Variants in LZTFL1 observed in about 807,000 individuals in gnomAD.
LZTFL1 encodes the protein leucine zipper transcription factor like 1.
In LZTFL1, 25 loss-of-function variants were observed where a neutral mutation model predicts 45.9. The ratio of observed to expected loss-of-function variants is 0.54; its 90% confidence interval spans 0.40 to 0.76. The LOEUF is 0.76. LZTFL1 is among the 30% of genes least tolerant of loss of function. The probability of loss-of-function intolerance (pLI) is 0.00; values close to 1 mark genes in which losing one functional copy is unlikely to be tolerated. For missense variants in LZTFL1, 277 were observed against 331.1 expected, an observed-to-expected ratio of 0.84 and a Z score of 1.27; for synonymous variants, 93 against 117.4, an observed-to-expected ratio of 0.79 and a Z score of 1.35.
chr3:45,842,270 ACTTTT>A, upstream of LZTFL1: 3 of 1,021,964 alleles, frequency 2.9e-6, no homozygotes, highest in Non-Finnish European at 4.1e-6. Context: ...GTGCCAGTTC[ACTTTT>A]GGGAGCTGAC....
intron 4 of LZTFL1, among the ~76,000 whole-genome samples, chr3:45,852,357 AG>A (rs1701322101): frequency 6.6e-6 from 1 of 152,206 alleles, no homozygotes; most frequent in African/African-American, 2.4e-5. Context: ...AAGACCACAA[AG>A]ATGTATGTAC....
intron 2 of LZTFL1, among the ~76,000 whole-genome samples, chr3:45,905,606 G>A (rs963081497): frequency 6.6e-6 from 1 of 152,188 alleles, no homozygotes; most frequent in Non-Finnish European, 1.5e-5. Flanking sequence ...GTTCTTCAGG[G>A]CCCGCCTCCA....
At position 45,901,913 on chromosome 3, in the gene LZTFL1, G is replaced by A; in HGVS notation, c.-215+11207C>T. 6.5e-7 allele frequency: 1 copy of A among 1,546,256 alleles called. No individual in the cohort carries two copies. Among genetic ancestry groups the A allele is most frequent in the Non-Finnish European group, 8.7e-7 (1 of 1,145,790 alleles). ...TCTCCCTCTGAGGGGTCTTCTCTGA[G>A]GTGCATGGTTCTTTTGGAAGAAATG... On this transcript the variant is annotated intron_variant, in intron 2 of 4. Coordinates refer to the LZTFL1 transcript ENST00000472635. This position sits in a 1 kb window ranked among gnomAD's most constrained non-coding sequence, Gnocchi z 4.3.
chr3:45,890,275 T>TATATATAAC (rs1702114074), intron 2 of LZTFL1, among the ~76,000 whole-genome samples: 3 of 85,148 alleles, frequency 3.5e-5, no homozygotes, highest in Non-Finnish European at 6.8e-5. Flanking sequence ...ATATAACATA[T>TATATATAAC]ATATATATTT....
chr3:45,907,519 T>C (rs1702706009), intron 2 of LZTFL1, among the ~76,000 whole-genome samples: 1 of 152,202 alleles, frequency 6.6e-6, no homozygotes, highest in Non-Finnish European at 1.5e-5. Flanking sequence ...CACATCTGAA[T>C]TGTGTCATCT....
chr3:45,859,741 A>T (rs1701452472), intron 2 of LZTFL1, among the ~76,000 whole-genome samples: 1 of 149,632 alleles, frequency 6.7e-6, no homozygotes, highest in Non-Finnish European at 1.5e-5. Context: ...GGTTAAAGCG[A>T]TTCTCATGCC....
intron 3 of LZTFL1, among the ~76,000 whole-genome samples, chr3:45,858,553 T>C (rs1701430666): frequency 6.6e-6 from 1 of 152,254 alleles, no homozygotes; most frequent in South Asian, 2.1e-4. Flanking sequence ...TCACATGCTG[T>C]ATTTTGTAAA....
intron 4 of LZTFL1, among the ~76,000 whole-genome samples, chr3:45,847,320 T>G (rs376354072): frequency 6.6e-6 from 1 of 152,320 alleles, no homozygotes; most frequent in East Asian, 1.9e-4. Context: ...AGATGACATC[T>G]GCAGTGGTGT....
chr3:45,912,416 C>T (rs1702812185), intron 2 of LZTFL1, among the ~76,000 whole-genome samples: 1 of 152,240 alleles, frequency 6.6e-6, no homozygotes, highest in South Asian at 2.1e-4. Context: ...CCTTTTCCCA[C>T]ACCTGGAATC....
At chr3:45,841,170 G>A (rs1701100896) in intron 1 of LZTFL1, among the ~76,000 whole-genome samples, 1 of 152,188 alleles carries the variant, frequency 6.6e-6, no homozygotes, top group South Asian at 2.1e-4. Flanking sequence ...TTAGCTCACA[G>A]GTGTCTTCTC....
chr3:45,847,993 T>C (rs1701244784), intron 4 of LZTFL1, among the ~76,000 whole-genome samples: 1 of 152,216 alleles, frequency 6.6e-6, no homozygotes, highest in Non-Finnish European at 1.5e-5. Context: ...AGCTGCCAAC[T>C]AAGATATTTT....
At chr3:45,897,562 C>T (rs932994037) in intron 2 of LZTFL1, 1 of 1,533,974 alleles carries the variant, frequency 6.5e-7, no homozygotes, top group Non-Finnish European at 8.7e-7. Context: ...CTCCTGCAGT[C>T]TCCTCCAGGC....
intron 2 of LZTFL1, chr3:45,883,999 T>A (rs545574750): frequency 3.5e-6 from 1 of 284,650 alleles, no homozygotes; most frequent in South Asian, 6.4e-5. Context: ...CTGGGGTAGG[T>A]TGGGTCCTGA....
chr3:45,914,983 C>T (rs1702869059), intron 1 of LZTFL1, among the ~76,000 whole-genome samples: 1 of 151,958 alleles, frequency 6.6e-6, no homozygotes, highest in African/African-American at 2.4e-5. Flanking sequence ...GGCTGCTGCC[C>T]CTGCTGCTTG....
intron 2 of LZTFL1, 29 bp downstream of exon 2, chr3:45,837,898 T>C: frequency 6.4e-7 from 1 of 1,567,270 alleles, no homozygotes; most frequent in Non-Finnish European, 8.6e-7. Context: ...ATGTTCCTAT[T>C]TGGTTTGCTT....
chr3:45,910,746 T>C (rs1017101472), intron 2 of LZTFL1, among the ~76,000 whole-genome samples: 2 of 152,276 alleles, frequency 1.3e-5, no homozygotes, highest in Non-Finnish European at 2.9e-5. Flanking sequence ...TCTAAGAACC[T>C]TGCTTGTATT....
At chr3:45,882,964 AT>A (rs1344488409) in intron 2 of LZTFL1, among the ~76,000 whole-genome samples, 1 of 152,142 alleles carries the variant, frequency 6.6e-6, no homozygotes, top group Admixed American at 6.5e-5. Context: ...AGTAAAACAC[AT>A]TTGAGAATGA....
At chr3:45,867,577 C>G (rs1161766641) in intron 2 of LZTFL1, among the ~76,000 whole-genome samples, 1 of 152,178 alleles carries the variant, frequency 6.6e-6, no homozygotes, top group South Asian at 2.1e-4. Context: ...GGCACCGTGG[C>G]TCATGCCTGT....
chr3:45,901,673 T>G lies in LZTFL1; in HGVS notation c.-215+11447A>C. The G allele has an allele frequency of 6.2e-7, 1 of 1,613,990 alleles. No individual in the cohort carries two copies. The highest frequency in any genetic ancestry group is 8.5e-7 in the Non-Finnish European group (1 of 1,179,818). ...CCAACTGTGCCGTTTCCACCAACATTGACATCTGCTTCCAGGTCACCCAGA... is the reference window on the plus strand; with the variant it reads ...CCAACTGTGCCGTTTCCACCAACATGGACATCTGCTTCCAGGTCACCCAGA... On this transcript the variant is annotated intron_variant, in intron 2 of 4. Transcript: ENST00000472635. The surrounding 1 kb of genome is among the most constrained non-coding windows in gnomAD (Gnocchi z 4.3).
Sources: gnomAD v4.1 joint callset for allele counts (sites outside exome capture counted in the v4.1 genomes callset) on GRCh38, gnomAD v4.1.1 for gene constraint, Gnocchi (gnomAD v3.1) non-coding constraint, MANE v1.5 for transcripts, NCBI Gene and HGNC (gene_info 2026-07-23, HGNC 2026-07-21) for gene names.